The following FAM135B variants were observed in gnomAD, a reference collection of about 807,000 sequenced individuals.
FAM135B encodes the protein family with sequence similarity 135 member B, also known as protein FAM135B.
In FAM135B, 43 loss-of-function variants were observed where a neutral mutation model predicts 127.7. That is an observed-to-expected ratio of 0.34 (90% CI 0.26 to 0.43). The LOEUF is 0.43. Ranked by LOEUF, FAM135B falls within the 20% of genes least tolerant of loss-of-function variation. The pLI is 1.00. For synonymous variants in FAM135B, 670 were observed against 665.1 expected, an observed-to-expected ratio of 1.01 and a Z score of -0.11; for missense variants, 1,558 against 1,725.6, an observed-to-expected ratio of 0.90 and a Z score of 1.72.
rs552660715 is a variant in FAM135B, at chr8:138,218,671, C to G, written c.670-21002G>C. ...CCCTCCTCCTTTCTTTTTACATGGG[C>G]AGTGGATTTCTTGCCTTCTAAGGTT... On this transcript the variant is annotated intron_variant, in intron 7 of 19. Transcript: ENST00000395297. Among the ~76,000 whole-genome samples the G allele has an allele frequency of 4.6e-5, 7 of 151,956 alleles. No individual in the cohort carries two copies. The East Asian group carries it at 1.4e-3, about 29-fold the overall frequency.
At chr8:138,381,662 T>C (rs570128647) in intron 1 of FAM135B, among the ~76,000 whole-genome samples, 1 of 152,316 alleles carries the variant, frequency 6.6e-6, no homozygotes, top group South Asian at 2.1e-4. Flanking sequence ...AATGACTGAA[T>C]AAACCCATTA....
intron 14 of FAM135B, among the ~76,000 whole-genome samples, chr8:138,146,848 C>G (rs564584255): frequency 1.3e-5 from 2 of 152,264 alleles, no homozygotes; most frequent in African/African-American, 4.8e-5. Flanking sequence ...AAGTTAGAAG[C>G]TGGGTATTTG....
chr8:138,482,216 GA>G (rs1814808846), intron 1 of FAM135B, among the ~76,000 whole-genome samples: 1 of 152,194 alleles, frequency 6.6e-6, no homozygotes, highest in African/African-American at 2.4e-5. Context: ...AAAGATGTGG[GA>G]AACAACAAGG....
chr8:138,315,517 A>C (rs866986779), intron 2 of FAM135B, among the ~76,000 whole-genome samples: 9 of 152,114 alleles, frequency 5.9e-5, no homozygotes, highest in African/African-American at 1.7e-4. Context: ...AGAGATCTGC[A>C]CCTCCACCTT....
chr8:138,341,951 T>C (rs1829077950), intron 2 of FAM135B, among the ~76,000 whole-genome samples: 3 of 152,048 alleles, frequency 2.0e-5, no homozygotes, highest in African/African-American at 7.2e-5. Context: ...CTATTTTAGG[T>C]GCAGGGAGTA....
intron 1 of FAM135B, among the ~76,000 whole-genome samples, chr8:138,384,991 C>T (rs188035861): frequency 1.2e-4 from 19 of 152,280 alleles, no homozygotes; most frequent in Non-Finnish European, 2.4e-4. Context: ...CATCGGCCAA[C>T]GCAGTCTGAT....
chr8:138,458,775 AC>A (rs1402550958), intron 1 of FAM135B, among the ~76,000 whole-genome samples: 1 of 152,198 alleles, frequency 6.6e-6, no homozygotes, highest in Non-Finnish European at 1.5e-5. Context: ...CTAGCCCTTT[AC>A]AAAAAACGTA....
At chr8:138,304,231 C>T (rs1482369366) in intron 3 of FAM135B, among the ~76,000 whole-genome samples, 1 of 152,230 alleles carries the variant, frequency 6.6e-6, no homozygotes, top group East Asian at 1.9e-4. Context: ...GTGTTAGTAG[C>T]CATTTGTTCG....
chr8:138,421,572 G>A (rs1834512247), intron 1 of FAM135B, among the ~76,000 whole-genome samples: 1 of 152,030 alleles, frequency 6.6e-6, no homozygotes, highest in African/African-American at 2.4e-5. Flanking sequence ...TAAGAATACA[G>A]CTAACCAGGG....
At chr8:138,158,583 A>C (rs2130835415) in intron 12 of FAM135B, among the ~76,000 whole-genome samples, 1 of 152,354 alleles carries the variant, frequency 6.6e-6, no homozygotes, top group Admixed American at 6.5e-5. Flanking sequence ...AAGAACTTAA[A>C]CAAATTTACA....
intron 6 of FAM135B, among the ~76,000 whole-genome samples, chr8:138,247,229 G>A (rs965563809): frequency 6.6e-6 from 1 of 152,198 alleles, no homozygotes. Flanking sequence ...GTTTTGAAAC[G>A]CAAGGGCATG....
At chr8:138,396,577 C>T (rs569047519) in intron 1 of FAM135B, among the ~76,000 whole-genome samples, 115 of 152,282 alleles carry the variant, frequency 7.6e-4, no homozygotes, top group African/African-American at 2.6e-3. Flanking sequence ...CGAAATTTTA[C>T]AGCAATTGTG....
At chr8:138,157,733 C>T (rs1818909269) in intron 12 of FAM135B, among the ~76,000 whole-genome samples, 1 of 152,158 alleles carries the variant, frequency 6.6e-6, no homozygotes, top group Non-Finnish European at 1.5e-5. Context: ...AGGAATCCAA[C>T]TTACAAGGGA....
At position 138,174,594 on chromosome 8, in the gene FAM135B, C is replaced by T. The variant is rs543743888; in HGVS notation, c.1103+2753G>A. ...GTTTACTTTCTCCTGAGTAGTATCT[C>T]GCTTATCTTAGTCTATGATTTATGT... On this transcript the variant is annotated intron_variant, in intron 11 of 19. Coordinates refer to ENST00000395297, the MANE Select transcript of FAM135B (RefSeq NM_015912.4). Among the ~76,000 whole-genome samples the T allele has an allele frequency of 5.3e-5, 8 of 152,298 alleles. No homozygotes were observed. In the South Asian group the frequency reaches 6.2e-4, roughly 12 times the overall value.
At chr8:138,381,237 C>T (rs749984339) in intron 1 of FAM135B, among the ~76,000 whole-genome samples, 1 of 152,108 alleles carries the variant, frequency 6.6e-6, no homozygotes, top group East Asian at 1.9e-4. Context: ...CACAAACAAA[C>T]CCTCTCAAAA....
At chr8:138,444,931 G>A (rs1165652690) in intron 1 of FAM135B, among the ~76,000 whole-genome samples, 2 of 152,058 alleles carry the variant, frequency 1.3e-5, no homozygotes, top group Admixed American at 6.6e-5. Context: ...AGAAAAGAGA[G>A]AAGAATCAAA....
intron 1 of FAM135B, among the ~76,000 whole-genome samples, chr8:138,455,242 G>C (rs1836710789): frequency 6.6e-6 from 1 of 152,174 alleles, no homozygotes; most frequent in African/African-American, 2.4e-5. Flanking sequence ...AGCTCTGCCT[G>C]TTTACTCAGC....
At chr8:138,361,314 C>A (rs1319834786) in intron 2 of FAM135B, among the ~76,000 whole-genome samples, 1 of 151,968 alleles carries the variant, frequency 6.6e-6, no homozygotes, top group South Asian at 2.1e-4. Flanking sequence ...TTAAATAGAA[C>A]GTTAGGAATT....
At chr8:138,304,218 C>G (rs1279896131) in intron 3 of FAM135B, among the ~76,000 whole-genome samples, 1 of 152,090 alleles carries the variant, frequency 6.6e-6, no homozygotes. Context: ...TTTCCATGAC[C>G]CTGTGTTAGT....
Sources: allele counts gnomAD v4.1 joint callset (sites outside exome capture counted in the v4.1 genomes callset), GRCh38; gene constraint gnomAD v4.1.1; transcripts MANE v1.5; gene names NCBI Gene and HGNC (gene_info 2026-07-23, HGNC 2026-07-21).